The following PRKCH variants were observed in gnomAD, a reference collection of about 807,000 sequenced individuals.
The protein encoded by PRKCH is protein kinase C eta.
Under a neutral mutation model 82.5 loss-of-function variants are expected in PRKCH, and 28 were observed. That is an observed-to-expected ratio of 0.34 (90% CI 0.25 to 0.47). The LOEUF (loss-of-function observed/expected upper bound fraction) is 0.47. Ranked by LOEUF, PRKCH falls within the 20% of genes least tolerant of loss-of-function variation. The probability of loss-of-function intolerance (pLI) is 1.00; values close to 1 mark genes in which losing one functional copy is unlikely to be tolerated. For missense variants in PRKCH, 705 were observed against 881.8 expected (o/e 0.80, Z 2.54); for synonymous variants, 322 against 327.4 (o/e 0.98, Z 0.18).
chr14:61,294,622 G>A (rs973830016), intron 1 of PRKCH, among the ~76,000 whole-genome samples: 3 of 151,958 alleles, frequency 2.0e-5, no homozygotes, highest in Non-Finnish European at 4.4e-5. Context: ...AATATAAGAT[G>A]AGAATTGAAT....
chr14:61,513,064 G>A (rs2042770516), intron 10 of PRKCH, among the ~76,000 whole-genome samples: 1 of 152,102 alleles, frequency 6.6e-6, no homozygotes, highest in Non-Finnish European at 1.5e-5. Context: ...ATCAGACTGA[G>A]AGCTGGAAAA....
intron 10 of PRKCH, among the ~76,000 whole-genome samples, chr14:61,496,276 T>C (rs985902222): frequency 2.0e-5 from 3 of 152,248 alleles, no homozygotes; most frequent in Non-Finnish European, 4.4e-5. Context: ...ATTATCCTTA[T>C]TTTGCAGACA....
At chr14:61,459,128 A>C (rs562802387) in intron 9 of PRKCH, among the ~76,000 whole-genome samples, 3 of 152,212 alleles carry the variant, frequency 2.0e-5, no homozygotes, top group African/African-American at 7.2e-5. Flanking sequence ...GCCCTGGAGA[A>C]GGCACCAAGA....
At chr14:61,196,053 C>G (rs992846020) in intron 1 of PRKCH, among the ~76,000 whole-genome samples, 4 of 151,974 alleles carry the variant, frequency 2.6e-5, no homozygotes, top group Non-Finnish European at 4.4e-5. Context: ...ATTAAAGATA[C>G]AGGAGAGAGA....
intron 1 of PRKCH, among the ~76,000 whole-genome samples, chr14:61,354,899 A>T (rs1443125829): frequency 6.6e-6 from 1 of 152,156 alleles, no homozygotes; most frequent in African/African-American, 2.4e-5. Context: ...TTTCCTTGGT[A>T]CCCTCAGTAC....
intron 1 of PRKCH, among the ~76,000 whole-genome samples, chr14:61,372,086 G>A (rs1378546147): frequency 2.6e-5 from 4 of 151,976 alleles, no homozygotes. Flanking sequence ...GTTGTTGCAT[G>A]TGTGCTTTTT....
At chr14:61,382,660 A>T (rs1463538847) in intron 1 of PRKCH, among the ~76,000 whole-genome samples, 1 of 152,228 alleles carries the variant, frequency 6.6e-6, no homozygotes, top group Non-Finnish European at 1.5e-5. Flanking sequence ...AGAGCCATCC[A>T]GCCAAGAATT....
chr14:61,482,898 T>C (rs1886046710), intron 9 of PRKCH, among the ~76,000 whole-genome samples: 1 of 152,228 alleles, frequency 6.6e-6, no homozygotes. Context: ...TTTTAGGCTT[T>C]CGATGCCTAC....
chr14:61,475,353 C>G (rs1885683280), intron 9 of PRKCH, among the ~76,000 whole-genome samples: 2 of 152,154 alleles, frequency 1.3e-5, no homozygotes, highest in African/African-American at 4.8e-5. Flanking sequence ...CTTTGTGACT[C>G]TTAAGTTTTA....
chr14:61,310,509 A>C (rs2045514521), intron 1 of PRKCH, among the ~76,000 whole-genome samples: 1 of 152,210 alleles, frequency 6.6e-6, no homozygotes, highest in South Asian at 2.1e-4. Flanking sequence ...ACTGATACAA[A>C]GAGTGGGCTC....
rs575287936 is a variant in PRKCH, at chr14:61,455,367, C to T, written c.961-1809C>T. ...TTGACAATTTATTGAATTGCCACTA[C>T]GATAAATGTTTTAATCCTTATATTA... is the stretch of plus-strand genomic sequence containing the variant. On this transcript the variant is annotated intron_variant, in intron 7 of 13. Coordinates refer to ENST00000332981, the MANE Select transcript of PRKCH (RefSeq NM_006255.5). Among the ~76,000 whole-genome samples, 16 of 152,134 alleles carry T rather than the reference C, an allele frequency of 1.1e-4. No individual in the cohort carries two copies. In the East Asian group the frequency reaches 1.2e-3, roughly 11 times the overall value.
chr14:61,190,233 C>A (rs1249994230), intron 1 of PRKCH, among the ~76,000 whole-genome samples: 1 of 152,138 alleles, frequency 6.6e-6, no homozygotes, highest in Non-Finnish European at 1.5e-5. Flanking sequence ...TTTTTCTCAT[C>A]CTCACCACCC....
chr14:61,451,917 A>AT (rs1360787105), intron 6 of PRKCH, among the ~76,000 whole-genome samples: 1 of 152,024 alleles, frequency 6.6e-6, no homozygotes, highest in Non-Finnish European at 1.5e-5. Flanking sequence ...AACACTAATA[A>AT]TTTTTTTCTC....
intron 1 of PRKCH, among the ~76,000 whole-genome samples, chr14:61,239,864 CTG>C (rs1026742370): frequency 2.4e-4 from 37 of 152,282 alleles, no homozygotes; most frequent in African/African-American, 8.4e-4. Context: ...GAAGTCTGCA[CTG>C]GGGGTAGCAT....
intron 12 of PRKCH, among the ~76,000 whole-genome samples, chr14:61,541,742 G>T (rs777064741): frequency 6.6e-6 from 1 of 152,112 alleles, no homozygotes; most frequent in Non-Finnish European, 1.5e-5. Flanking sequence ...AATACTTGTG[G>T]CCATTACTTA....
chr14:61,360,605 T>A (rs1281234961), intron 1 of PRKCH, among the ~76,000 whole-genome samples: 1 of 152,218 alleles, frequency 6.6e-6, no homozygotes, highest in Non-Finnish European at 1.5e-5. Flanking sequence ...TTTCTTTGGA[T>A]GAAAGGATAA....
intron 2 of PRKCH, among the ~76,000 whole-genome samples, chr14:61,395,514 C>T (rs2046765751): frequency 6.6e-6 from 1 of 152,090 alleles, no homozygotes; most frequent in Non-Finnish European, 1.5e-5. Context: ...GTGTTTTGGA[C>T]TGTGAAAAGG....
chr14:61,541,999 T>C (rs996883032), intron 12 of PRKCH, among the ~76,000 whole-genome samples: 1 of 152,168 alleles, frequency 6.6e-6, no homozygotes, highest in Non-Finnish European at 1.5e-5. Flanking sequence ...TTAAAACCTA[T>C]TGTTTGTAGG....
intron 2 of PRKCH, among the ~76,000 whole-genome samples, chr14:61,396,750 G>T (rs1005131592): frequency 6.6e-6 from 1 of 152,182 alleles, no homozygotes; most frequent in African/African-American, 2.4e-5. Flanking sequence ...GGAGTGTGGA[G>T]GTGCTAAAGG....
Sources: gnomAD v4.1 joint callset for allele counts (sites outside exome capture counted in the v4.1 genomes callset) on GRCh38, gnomAD v4.1.1 for gene constraint, MANE v1.5 for transcripts, NCBI Gene and HGNC (gene_info 2026-07-23, HGNC 2026-07-21) for gene names.